The following SMIM12 variants were observed in gnomAD, a reference collection of about 807,000 sequenced individuals.
SMIM12 encodes UPF0767 protein C1orf212.
In SMIM12, 5 loss-of-function variants were observed where a neutral mutation model predicts 6.3. That is an observed-to-expected ratio of 0.80 (90% confidence interval 0.42 to 1.68). SMIM12 has a LOEUF of 1.68. SMIM12 is among the 40% of genes most tolerant of loss of function. The pLI, the probability that SMIM12 is intolerant of heterozygous loss-of-function variation, is 0.02. For missense variants in SMIM12, 103 were observed against 121.4 expected, an observed-to-expected ratio of 0.85 and a Z score of 0.71; for synonymous variants, 51 against 48.0, an observed-to-expected ratio of 1.06 and a Z score of -0.26.
At chr1:34,858,147 T>TC (rs1210470837) in intron 1 of SMIM12, 1 of 150,878 alleles carries the variant, frequency 6.6e-6, no homozygotes, top group Non-Finnish European at 1.5e-5. Context: ...TCTCCAAGAC[T>TC]CCCCCGCTTA....
Position 34,855,219 on chromosome 1 carries a change from T to C in SMIM12, c.*480A>G, listed in dbSNP as rs1452562471. On this transcript the variant is annotated 3_prime_UTR_variant, in exon 2 of 2. Transcript: ENST00000521580. ...TTCCTTCCTGGGGGAATCCCATTCC[T>C]GAGCTGACAAGACAGATTTCAGTAA... 1 of 1,368,676 alleles carries C rather than the reference T, an allele frequency of 7.3e-7. No individual in the cohort carries two copies. 84.8% of individuals were successfully genotyped at this position (1,368,676 alleles called of 1,614,324 possible).
chr1:34,856,265 T>C (rs1638650550), intron 1 of SMIM12, among the ~76,000 whole-genome samples: 1 of 152,022 alleles, frequency 6.6e-6, no homozygotes, highest in Non-Finnish European at 1.5e-5. Context: ...TTTCACCATG[T>C]TGGTCAGGCT....
intron 1 of SMIM12, chr1:34,858,770 A>G (rs993193276): frequency 3.3e-5 from 5 of 152,332 alleles, no homozygotes; most frequent in Admixed American, 1.3e-4. Context: ...TCATTCCCAA[A>G]TAAGTCAATT....
rs1571607568 is a variant in SMIM12, at chr1:34,852,587, A to G, written c.*3112T>C. ...CCCACGGGTATGATAGCATGCTTAG[A>G]ATTTTGTATAATGAATTATCAACAC... On this transcript the variant is annotated 3_prime_UTR_variant, in exon 2 of 2. Transcript: ENST00000521580. The G allele has an allele frequency of 6.6e-6, 1 of 151,940 alleles. No homozygotes were observed. Among genetic ancestry groups the G allele is most frequent in the African/African-American group, 2.4e-5 (1 of 41,350 alleles). The allele number at this position is 151,940 out of a possible 1,614,324, so 9.4% of individuals were successfully genotyped here. A position where few individuals can be genotyped will look rare whatever the true frequency, so the allele number is the denominator to read the frequency against.
At chr1:34,858,303 T>C (rs1395854512) in intron 1 of SMIM12, 1 of 152,128 alleles carries the variant, frequency 6.6e-6, no homozygotes, top group African/African-American at 2.4e-5. Flanking sequence ...TTATCCAAGA[T>C]CACTAGAAGT....
Position 34,855,400 on chromosome 1 carries a change from A to G in SMIM12, c.*299T>C, listed in dbSNP as rs751547467. 10 of 1,505,354 alleles carry G rather than the reference A, an allele frequency of 6.6e-6. No homozygotes were observed. Among genetic ancestry groups the G allele is most frequent in the African/African-American group, 1.4e-5 (1 of 72,602 alleles). 93.2% of individuals were successfully genotyped at this position (1,505,354 alleles called of 1,614,324 possible). A position where few individuals can be genotyped will look rare whatever the true frequency, so the allele number is the denominator to read the frequency against. On this transcript the variant is annotated 3_prime_UTR_variant, in exon 2 of 2. Coordinates refer to ENST00000521580, the MANE Select transcript of SMIM12 (RefSeq NM_138428.6). Reference sequence around the variant, plus strand: ...ACTAGAGGCCAAACCGCCTGCCCACAGAGATTGACAGCCAATGTTCATCTC... The same window carrying G: ...ACTAGAGGCCAAACCGCCTGCCCACGGAGATTGACAGCCAATGTTCATCTC...
rs1362464437 is a variant in SMIM12 at position 34,850,705 on chromosome 1, T to C, written c.*4994A>G. The C allele has an allele frequency of 1.3e-5, 2 of 152,190 alleles. No individual in the cohort carries two copies. The highest frequency in any genetic ancestry group is 6.5e-5 in the Admixed American group (1 of 15,268). 9.4% of individuals were successfully genotyped at this position (152,190 alleles called of 1,614,324 possible). A position where few individuals can be genotyped will look rare whatever the true frequency, so the allele number is the denominator to read the frequency against. ...ATCAGCAGGGAACACGTTCCCCATT[T>C]TGCAGGGAAACCAAGGCCAGTAGAG... On this transcript the variant is annotated 3_prime_UTR_variant, in exon 2 of 2. Transcript: ENST00000521580.
At position 34,851,054 on chromosome 1, in the gene SMIM12, G is replaced by A. The variant is rs1640918593; in HGVS notation, c.*4645C>T. On this transcript the variant is annotated 3_prime_UTR_variant, in exon 2 of 2. Coordinates refer to ENST00000521580, the MANE Select transcript of SMIM12 (RefSeq NM_138428.6). ...TCTCCCCTAGATCCCCACCTCACCA[G>A]GGTCACAAGGATACACACAACTATT... 6.6e-6 allele frequency: 1 copy of A among 152,198 alleles called. No homozygotes were observed. Among genetic ancestry groups the A allele is most frequent in the Admixed American group, 6.5e-5 (1 of 15,276 alleles). 9.4% of individuals were successfully genotyped at this position (152,198 alleles called of 1,614,324 possible).
Position 34,852,673 on chromosome 1 carries a change from T to TTC in SMIM12, c.*3025_*3026insGA, listed in dbSNP as rs1197741090. 6.6e-6 allele frequency: 1 copy of TTC among 151,640 alleles called. No homozygotes were observed. Among genetic ancestry groups the TTC allele is most frequent in the East Asian group, 1.9e-4 (1 of 5,160 alleles). The allele number at this position is 151,640 out of a possible 1,614,324, so 9.4% of individuals were successfully genotyped here. ...TGAATTTCTAGCATCTCTTCATTTT[T>TTC]TTTTTTTTACCCCCTCTGGAGCTCT... On this transcript the variant is annotated 3_prime_UTR_variant, in exon 2 of 2. Coordinates refer to ENST00000521580, the MANE Select transcript of SMIM12 (RefSeq NM_138428.6).
At position 34,855,967 on chromosome 1, in the gene SMIM12, A is replaced by G; in HGVS notation, c.11T>C (p.Val4Ala). MWP[V>A]FWTVVRTYAP... Reference sequence around the variant, plus strand: ...ATAGGTACGAACCACGGTCCAAAACACAGGCCACATGACATCTGCGGAAAA... The same window carrying G: ...ATAGGTACGAACCACGGTCCAAAACGCAGGCCACATGACATCTGCGGAAAA... The change falls in exon 2 of 2, where the codon GTG (valine) becomes GCG (alanine). Residue 4 changes from valine (V) to alanine (A), a missense_variant. Coordinates refer to ENST00000521580, the MANE Select transcript of SMIM12 (RefSeq NM_138428.6). The G allele has an allele frequency of 6.5e-7, 1 of 1,546,768 alleles. No homozygotes were observed. Among genetic ancestry groups the G allele is most frequent in the South Asian group, 1.2e-5 (1 of 83,964 alleles).
In SMIM12 at chr1:34,855,725, T is replaced by C; in HGVS notation, c.253A>G (p.Asn85Asp). Residue 85 changes from asparagine (N) to aspartate (D), a missense_variant, in exon 2 of 2, where the codon AAC (asparagine) becomes GAC (aspartate). Physicochemically the swap from Asn to Asp is conservative, Grantham distance 23. Coordinates refer to ENST00000521580, the MANE Select transcript of SMIM12 (RefSeq NM_138428.6). ...TAATTCTTCTCTGGGCGGTTTCTGTTCAGCACAGCTTTCGGGGCAAATTCT... is the reference window on the plus strand; with the variant it reads ...TAATTCTTCTCTGGGCGGTTTCTGTCCAGCACAGCTTTCGGGGCAAATTCT... ...KLEFAPKAVL[N>D]RNRPEKN The C allele has an allele frequency of 6.2e-7, 1 of 1,611,276 alleles. No individual in the cohort carries two copies. The highest frequency in any genetic ancestry group is 8.5e-7 in the Non-Finnish European group (1 of 1,178,460).
rs1232210137 is a variant in SMIM12, at chr1:34,855,820, C to T, written c.158G>A (p.Arg53Gln). 9 of 1,552,348 alleles carry T rather than the reference C, an allele frequency of 5.8e-6. No individual in the cohort carries two copies. Among genetic ancestry groups the T allele is most frequent in the Admixed American group, 2.0e-5 (1 of 51,014 alleles). Residue 53 changes from arginine (R) to glutamine (Q), a missense_variant, in exon 2 of 2, where the codon CGG becomes CAG. Transcript: ENST00000521580. Reference sequence around the variant, plus strand: ...AAGCTCATCCAGCTTGCGATCCTCCCGGCGCTCTGAGATGCTCTTTTCCTC... The same window carrying T: ...AAGCTCATCCAGCTTGCGATCCTCCTGGCGCTCTGAGATGCTCTTTTCCTC... ...VEEEKSISER[R>Q]EDRKLDELLG... is the part of the protein sequence containing the mutation.
At chr1:34,858,560 C>T (rs1426991607) in intron 1 of SMIM12, 1 of 152,150 alleles carries the variant, frequency 6.6e-6, no homozygotes, top group African/African-American at 2.4e-5. Flanking sequence ...AAAGAGGCAC[C>T]TCTGAAGAAT....
chr1:34,857,180 A>G (rs1458414161), intron 1 of SMIM12: 1 of 147,040 alleles, frequency 6.8e-6, no homozygotes, highest in Non-Finnish European at 1.5e-5. Flanking sequence ...AAATCATTAT[A>G]CATACTCTGG....
rs542904398 is a variant in SMIM12, at chr1:34,853,097, C to A, written c.*2602G>T. 2.0e-5 allele frequency: 3 copies of A among 152,414 alleles called. No individual in the cohort carries two copies. The highest frequency in any genetic ancestry group is 7.2e-5 in the African/African-American group (3 of 41,450). The allele number at this position is 152,414 out of a possible 1,614,324, so 9.4% of individuals were successfully genotyped here. ...CCTTAGAAGAAGCCAACGACTCAAC[C>A]TGCTCCCTCCTCTCAGGCCACCACC... On this transcript the variant is annotated 3_prime_UTR_variant, in exon 2 of 2. Coordinates refer to ENST00000521580, the MANE Select transcript of SMIM12 (RefSeq NM_138428.6).
Position 34,855,120 on chromosome 1 carries a change from AGC to A in SMIM12, c.*577_*578del. On this transcript the variant is annotated 3_prime_UTR_variant, in exon 2 of 2. Transcript: ENST00000521580. ...GGGTAGAAGATGGTGACTGTTTTCAAGCAAATTCACGAGGCACATGTTCGTCC... is the reference window on the plus strand; with the variant it reads ...GGGTAGAAGATGGTGACTGTTTTCAAAAATTCACGAGGCACATGTTCGTCC... The A allele has an allele frequency of 7.5e-7, 1 of 1,335,862 alleles. No individual in the cohort carries two copies. Among genetic ancestry groups the A allele is most frequent in the Non-Finnish European group, 9.9e-7 (1 of 1,005,374 alleles). 82.8% of individuals were successfully genotyped at this position (1,335,862 alleles called of 1,614,324 possible).
At position 34,859,660 on chromosome 1, in the gene SMIM12, C is replaced by G. The variant is rs565376896; in HGVS notation, c.-6+17G>C. ...GCCTGGGCTGACCCGACCTGCTCGC[C>G]GGGACCGCGCGCTCACCTGCGGCCC... On this transcript the variant is annotated intron_variant, in intron 1 of 1. Transcript: ENST00000521580. The G allele has an allele frequency of 6.6e-6, 1 of 152,542 alleles. No individual in the cohort carries two copies. Among genetic ancestry groups the G allele is most frequent in the Admixed American group, 6.5e-5 (1 of 15,312 alleles). 9.4% of individuals were successfully genotyped at this position (152,542 alleles called of 1,614,324 possible).
At position 34,855,089 on chromosome 1, in the gene SMIM12, T is replaced by G. The variant is rs8621; in HGVS notation, c.*610A>C. 71,038 of 1,307,390 alleles carry G rather than the reference T, an allele frequency of 0.054. 3,130 individuals carry two copies. Among genetic ancestry groups the G allele is most frequent in the African/African-American group, 0.23 (15,021 of 65,816 alleles). The allele number at this position is 1,307,390 out of a possible 1,614,324, so 81.0% of individuals were successfully genotyped here. ...TTTAATCAGGTTTTTCACTATACAGTGATGGGGGTAGAAGATGGTGACTGT... is the reference window on the plus strand; with the variant it reads ...TTTAATCAGGTTTTTCACTATACAGGGATGGGGGTAGAAGATGGTGACTGT... On this transcript the variant is annotated 3_prime_UTR_variant, in exon 2 of 2. Coordinates refer to ENST00000521580, the MANE Select transcript of SMIM12 (RefSeq NM_138428.6).
chr1:34,855,711 T>C lies in SMIM12; in HGVS notation c.267A>G (p.Pro89=). The change falls in exon 2 of 2, where the codon CCA becomes CCG. Residue 89 remains proline (P), a synonymous_variant. Coordinates refer to ENST00000521580, the MANE Select transcript of SMIM12 (RefSeq NM_138428.6). The stretch of plus-strand genomic sequence containing the variant: ...CCTGTGTCCTCCATTAATTCTTCTC[T>C]GGGCGGTTTCTGTTCAGCACAGCTT... ...APKAVLNRNR[P]EKN The C allele has an allele frequency of 1.2e-6, 2 of 1,613,004 alleles. No homozygotes were observed. The highest frequency in any genetic ancestry group is 1.7e-6 in the Non-Finnish European group (2 of 1,179,162).
Sources: gnomAD v4.1 joint callset for allele counts (sites outside exome capture counted in the v4.1 genomes callset) on GRCh38, gnomAD v4.1.1 for gene constraint, MANE v1.5 for transcripts, NCBI Gene and HGNC (gene_info 2026-07-23, HGNC 2026-07-21) for gene names.